ADAMTS20: variants seen among roughly 807,000 people sequenced by gnomAD.
The protein encoded by ADAMTS20 is ADAM metallopeptidase with thrombospondin type 1 motif 20.
A neutral mutation model predicts 260.1 loss-of-function variants in ADAMTS20; 225 were observed. The ratio of observed to expected loss-of-function variants is 0.87; its 90% CI spans 0.78 to 0.97. ADAMTS20 has a LOEUF of 0.97. ADAMTS20 is among the 50% of genes least tolerant of loss of function. The probability of loss-of-function intolerance (pLI) is 0.00; values close to 1 mark genes in which losing one functional copy is unlikely to be tolerated. For missense variants in ADAMTS20, 2,400 were observed against 2,337.7 expected, an observed-to-expected ratio of 1.03 and a Z score of -0.55; for synonymous variants, 802 against 769.5, an observed-to-expected ratio of 1.04 and a Z score of -0.70.
intron 19 of ADAMTS20, 149 bp downstream of exon 19, chr12:43,434,096 A>G (rs936250932): frequency 1.2e-6 from 1 of 804,344 alleles, no homozygotes; most frequent in Non-Finnish European, 1.9e-6. Flanking sequence ...ACTGAGTTTT[A>G]CCATAAAATA....
At chr12:43,512,908 T>C (rs1339056831) in intron 3 of ADAMTS20, among the ~76,000 whole-genome samples, 3 of 152,170 alleles carry the variant, frequency 2.0e-5, no homozygotes, top group Admixed American at 6.5e-5. Flanking sequence ...TGTGGTAATA[T>C]ATGAAGACTG....
At chr12:43,479,485 C>T (rs992272076) in intron 7 of ADAMTS20, among the ~76,000 whole-genome samples, 1 of 152,026 alleles carries the variant, frequency 6.6e-6, no homozygotes, top group African/African-American at 2.4e-5. Context: ...AGATCACATT[C>T]TCTAACTGCA....
chr12:43,401,722 TTATAAG>T (rs1332962746), intron 28 of ADAMTS20, among the ~76,000 whole-genome samples: 6 of 139,192 alleles, frequency 4.3e-5, no homozygotes, highest in South Asian at 5.0e-4. Flanking sequence ...ATTTTATAAT[TTATAAG>T]TATATTTTTA....
At chr12:43,420,440 T>A (rs1332634252) in intron 28 of ADAMTS20, among the ~76,000 whole-genome samples, 1 of 152,240 alleles carries the variant, frequency 6.6e-6, no homozygotes, top group Admixed American at 6.5e-5. Context: ...AATTTATTTT[T>A]AAAATATATT....
At chr12:43,436,310 G>T (rs928607807) in intron 18 of ADAMTS20, among the ~76,000 whole-genome samples, 6 of 151,976 alleles carry the variant, frequency 3.9e-5, no homozygotes, top group African/African-American at 1.4e-4. Context: ...AAATAATAAA[G>T]AATTAATTGA....
At chr12:43,524,561 T>TAAA (rs1943115450) in intron 3 of ADAMTS20, among the ~76,000 whole-genome samples, 2 of 75,134 alleles carry the variant, frequency 2.7e-5, no homozygotes, top group South Asian at 1.3e-3. Context: ...ATTTAGTTAC[T>TAAA]CAAGAAGAAG....
rs1941420341 is a variant in ADAMTS20, at chr12:43,430,446, T to C, written c.3287A>G (p.Tyr1096Cys). The change falls in exon 23 of 39, where the codon TAT becomes TGT. Residue 1096 changes from tyrosine to cysteine, a missense_variant. By Grantham distance (194) the Tyr-to-Cys change is radical (BLOSUM62 -2). Transcript: ENST00000389420. ...GPCTTTCGHG[Y>C]QMRDVKCVNE... ...GACACATTTAACATCTCGCATCTGA[T>C]ACCCATGTCCACATGTGGTTGTGCA... 2 of 1,613,022 alleles carry C rather than the reference T, an allele frequency of 1.2e-6. No homozygotes were observed. Among genetic ancestry groups the C allele is most frequent in the Non-Finnish European group, 1.7e-6 (2 of 1,179,354 alleles).
In ADAMTS20 at chr12:43,443,890, T is replaced by C. The variant is rs1941713934; in HGVS notation, c.2198-7A>G. On this transcript the variant is annotated splice_region_variant and splice_polypyrimidine_tract_variant and intron_variant, in intron 15 of 38. Transcript: ENST00000389420. ...TTTACAACAACATTATAACCTGCAA[T>C]ATAATTTTACATATGTTAAATTTCA... The C allele has an allele frequency of 2.5e-6, 4 of 1,610,718 alleles. No individual in the cohort carries two copies. The highest frequency in any genetic ancestry group is 1.3e-5 in the African/African-American group (1 of 74,886).
intron 38 of ADAMTS20, among the ~76,000 whole-genome samples, chr12:43,355,594 C>T (rs1051525931): frequency 6.6e-6 from 1 of 152,026 alleles, no homozygotes; most frequent in Non-Finnish European, 1.5e-5. Flanking sequence ...ACTAAATTTA[C>T]TTTTATCATA....
chr12:43,384,028 A>C, intron 29 of ADAMTS20, 51 bp from the exon 30 acceptor site: 1 of 1,508,512 alleles, frequency 6.6e-7, no homozygotes, highest in East Asian at 2.3e-5. Flanking sequence ...ATACCAAATT[A>C]TATAAAAGTA....
At chr12:43,353,573 C>T (rs979081763), downstream of ADAMTS20, among the ~76,000 whole-genome samples, 1 of 151,920 alleles carries the variant, frequency 6.6e-6, no homozygotes, top group African/African-American at 2.4e-5. Context: ...TTAACCCAAA[C>T]ATACCTTTTT....
chr12:43,454,986 C>T (rs1941938528), intron 11 of ADAMTS20, among the ~76,000 whole-genome samples: 1 of 152,120 alleles, frequency 6.6e-6, no homozygotes, highest in Non-Finnish European at 1.5e-5. Context: ...TGTTGTGCAA[C>T]CAATCTCCAG....
chr12:43,417,853 G>C (rs940027375), intron 28 of ADAMTS20, among the ~76,000 whole-genome samples: 1 of 152,164 alleles, frequency 6.6e-6, no homozygotes, highest in Non-Finnish European at 1.5e-5. Context: ...ACAGAAGAAG[G>C]AGACCATCAC....
At position 43,381,359 on chromosome 12, in the gene ADAMTS20, A is replaced by C. The variant is rs891481875; in HGVS notation, c.4797+2199T>G. On this transcript the variant is annotated intron_variant, in intron 31 of 38. Coordinates refer to ENST00000389420, the MANE Select transcript of ADAMTS20 (RefSeq NM_025003.5). Reference sequence around the variant, plus strand: ...AAAGAACTAAAACAAAAAACAAAATAAATTTCACTTCATCAAAGCATACTA... The same window carrying C: ...AAAGAACTAAAACAAAAAACAAAATCAATTTCACTTCATCAAAGCATACTA... Among the ~76,000 whole-genome samples, 3 of 152,256 alleles carry C rather than the reference A, an allele frequency of 2.0e-5. No homozygotes were observed. The East Asian group carries it at 5.8e-4, about 29-fold the overall frequency.
intron 28 of ADAMTS20, 121 bp from the exon 29 acceptor site, chr12:43,399,354 G>T (rs1183672183): frequency 2.3e-6 from 2 of 870,504 alleles, no homozygotes; most frequent in Non-Finnish European, 3.2e-6. Flanking sequence ...ATGAAGATAT[G>T]CTCTAGTATT....
At chr12:43,407,482 C>T (rs1187535828) in intron 28 of ADAMTS20, among the ~76,000 whole-genome samples, 1 of 151,452 alleles carries the variant, frequency 6.6e-6, no homozygotes, top group Non-Finnish European at 1.5e-5. Context: ...AGATAATTTA[C>T]TATAATTATT....
chr12:43,471,915 A>G (rs1942269908), intron 7 of ADAMTS20, among the ~76,000 whole-genome samples: 1 of 144,548 alleles, frequency 6.9e-6, no homozygotes, highest in South Asian at 2.3e-4. Flanking sequence ...TGGAAACTCT[A>G]AAACGCAGAG....
At chr12:43,446,443 T>G (rs942348232) in intron 15 of ADAMTS20, among the ~76,000 whole-genome samples, 152 bp downstream of exon 15, 1 of 152,184 alleles carries the variant, frequency 6.6e-6, no homozygotes, top group Non-Finnish European at 1.5e-5. Context: ...ATTTAATTTT[T>G]TTATATTTAG....
chr12:43,405,235 A>C (rs1469149445), intron 28 of ADAMTS20, among the ~76,000 whole-genome samples: 39 of 116,834 alleles, frequency 3.3e-4, no homozygotes, highest in African/African-American at 8.9e-4. Context: ...TCTACAAAAA[A>C]AAAAAAAAAA....
Sources: allele counts gnomAD v4.1 joint callset (sites outside exome capture counted in the v4.1 genomes callset), GRCh38; gene constraint gnomAD v4.1.1; transcripts MANE v1.5; gene names NCBI Gene and HGNC (gene_info 2026-07-23, HGNC 2026-07-21).